Variants in CHD9 observed in about 807,000 individuals in gnomAD.
CHD9 encodes ATP-dependent chromatin remodeler CHD9.
CHD9 carries 77 observed loss-of-function variants against 316.1 expected under a neutral mutation model. The observed-to-expected ratio is 0.24, with a 90% CI of 0.20 to 0.29. The LOEUF is 0.29. Ranked by LOEUF, CHD9 falls within the 10% of genes least tolerant of loss-of-function variation. The pLI is 1.00. For missense variants in CHD9, 2,763 were observed against 3,438.1 expected (o/e 0.80, Z 4.91); for synonymous variants, 1,129 against 1,158.3 (o/e 0.97, Z 0.51).
intron 3 of CHD9, among the ~76,000 whole-genome samples, chr16:53,214,440 A>G (rs1383324142): frequency 2.6e-5 from 4 of 152,206 alleles, no homozygotes; most frequent in Admixed American, 6.5e-5. Flanking sequence ...TTGGTGTATG[A>G]TAAACGAAAG....
chr16:53,321,951 G>A (rs1021759995), intron 38 of CHD9, among the ~76,000 whole-genome samples: 3 of 149,274 alleles, frequency 2.0e-5, no homozygotes, highest in Non-Finnish European at 4.5e-5. Context: ...TAAATTAATA[G>A]TTCATTAAGA....
intron 38 of CHD9, among the ~76,000 whole-genome samples, chr16:53,322,605 A>C (rs1439984010): frequency 6.6e-6 from 1 of 152,030 alleles, no homozygotes; most frequent in Non-Finnish European, 1.5e-5. Context: ...AAAAAAAAAA[A>C]ACATATCTTA....
chr16:53,281,600 A>G (rs149372658), intron 24 of CHD9, among the ~76,000 whole-genome samples: 95 of 152,262 alleles, frequency 6.2e-4, no homozygotes, highest in Non-Finnish European at 1.1e-3. Context: ...GATGTTTCTA[A>G]TTTCTCTTAG....
intron 1 of CHD9, among the ~76,000 whole-genome samples, chr16:53,105,586 G>C (rs1247110464): frequency 6.6e-6 from 1 of 152,140 alleles, no homozygotes; most frequent in Non-Finnish European, 1.5e-5. Context: ...ATACGCCAGT[G>C]AATAACCTTT....
intron 3 of CHD9, among the ~76,000 whole-genome samples, chr16:53,217,915 T>C (rs1365633126): frequency 2.8e-5 from 1 of 36,082 alleles, no homozygotes; most frequent in Non-Finnish European, 5.4e-5. Flanking sequence ...TATACTCTTT[T>C]CTTTCTTTCT....
chr16:53,192,537 A>G (rs1597369971), intron 2 of CHD9, among the ~76,000 whole-genome samples: 1 of 152,210 alleles, frequency 6.6e-6, no homozygotes, highest in South Asian at 2.1e-4. Flanking sequence ...TTTGTGTCAT[A>G]TAGTTCTGTG....
At chr16:53,213,812 A>G (rs538054898) in intron 3 of CHD9, among the ~76,000 whole-genome samples, 2 of 152,326 alleles carry the variant, frequency 1.3e-5, no homozygotes, top group East Asian at 1.9e-4. Context: ...TCTGGCTGAC[A>G]TAAGTAGAAT....
At chr16:53,115,087 C>CT (rs1346580435) in intron 1 of CHD9, among the ~76,000 whole-genome samples, 1 of 152,184 alleles carries the variant, frequency 6.6e-6, no homozygotes, top group African/African-American at 2.4e-5. Flanking sequence ...ACTTAGGTTA[C>CT]TTGAATGCCT....
chr16:53,231,261 A>C (rs1444023613), intron 8 of CHD9, among the ~76,000 whole-genome samples, 158 bp from the exon 9 acceptor site: 1 of 152,174 alleles, frequency 6.6e-6, no homozygotes, highest in Non-Finnish European at 1.5e-5. Flanking sequence ...ATGTTATCCT[A>C]GCTATCATTT....
At chr16:53,162,062 T>C (rs1194211895) in intron 2 of CHD9, among the ~76,000 whole-genome samples, 1 of 152,234 alleles carries the variant, frequency 6.6e-6, no homozygotes, top group African/African-American at 2.4e-5. Context: ...GCCTTGCTTT[T>C]TTAAATTTCC....
chr16:53,209,021 TGTA>T (rs1236575827), intron 2 of CHD9, among the ~76,000 whole-genome samples: 5 of 152,168 alleles, frequency 3.3e-5, no homozygotes, highest in Non-Finnish European at 7.4e-5. Context: ...GATTTCAGGT[TGTA>T]GTCGTAAAGC....
At chr16:53,281,795 C>T (rs564508699) in intron 24 of CHD9, among the ~76,000 whole-genome samples, 61 of 152,276 alleles carry the variant, frequency 4.0e-4, no homozygotes, top group African/African-American at 1.3e-3. Context: ...CACAGAACCG[C>T]CCCTTCAGAT....
chr16:53,092,105 C>G (rs1306500548), intron 1 of CHD9, among the ~76,000 whole-genome samples: 1 of 152,176 alleles, frequency 6.6e-6, no homozygotes, highest in Admixed American at 6.5e-5. Context: ...ACTGCAAAGG[C>G]AAATACTTCC....
chr16:53,120,098 T>C (rs1160796978), intron 1 of CHD9, among the ~76,000 whole-genome samples: 1 of 151,472 alleles, frequency 6.6e-6, no homozygotes, highest in Non-Finnish European at 1.5e-5. Flanking sequence ...CTGGTCATGG[T>C]GGCAATGCCT....
chr16:53,108,166 T>A (rs1195063658), intron 1 of CHD9, among the ~76,000 whole-genome samples: 1 of 152,224 alleles, frequency 6.6e-6, no homozygotes, highest in Admixed American at 6.5e-5. Context: ...AATTTTATTA[T>A]TAGCAATACC....
At chr16:53,263,280 C>T (rs992050282) in intron 20 of CHD9, among the ~76,000 whole-genome samples, 183 bp downstream of exon 20, 4 of 152,102 alleles carry the variant, frequency 2.6e-5, no homozygotes, top group Non-Finnish European at 5.9e-5. Context: ...TAATATCTCC[C>T]ATGATGGGTT....
chr16:53,284,724 A>G (rs963534850), intron 24 of CHD9, among the ~76,000 whole-genome samples: 1 of 152,206 alleles, frequency 6.6e-6, no homozygotes, highest in African/African-American at 2.4e-5. Flanking sequence ...TTGTGATTTT[A>G]TGGCATTCTA....
chr16:53,257,844 A>G (rs1747191607), intron 19 of CHD9, among the ~76,000 whole-genome samples: 1 of 152,146 alleles, frequency 6.6e-6, no homozygotes, highest in South Asian at 2.1e-4. Context: ...GACTAAGTAG[A>G]TGTACCCCGG....
intron 22 of CHD9, among the ~76,000 whole-genome samples, chr16:53,269,396 T>A (rs2052008029): frequency 6.6e-6 from 1 of 152,128 alleles, no homozygotes; most frequent in South Asian, 2.1e-4. Flanking sequence ...AGAAACAAGA[T>A]AGACAAGATC....
Sources: gnomAD v4.1 joint callset for allele counts (sites outside exome capture counted in the v4.1 genomes callset) on GRCh38, gnomAD v4.1.1 for gene constraint, MANE v1.5 for transcripts, NCBI Gene and HGNC (gene_info 2026-07-23, HGNC 2026-07-21) for gene names.